Variants in GPSM1 observed in about 807,000 individuals in gnomAD.
GPSM1 encodes the protein G protein signaling modulator 1.
GPSM1 carries 48 observed loss-of-function variants against 70.5 expected under a neutral mutation model. That is an observed-to-expected ratio of 0.68 (90% confidence interval 0.54 to 0.87). The LOEUF is 0.87. GPSM1 is among the 40% of genes least tolerant of loss of function. The pLI is 0.00. For missense variants in GPSM1, 981 were observed against 972.6 expected (o/e 1.01, Z -0.11); for synonymous variants, 416 against 430.1 (o/e 0.97, Z 0.41).
In GPSM1 at chr9:136,340,751, CCAGTT is replaced by C. The variant is rs1179699306; in HGVS notation, c.1084-115_1084-111del. On this transcript the variant is annotated intron_variant, in intron 8 of 13. Transcript: ENST00000440944. The surrounding 1 kb of genome is among the most constrained non-coding windows in gnomAD (Gnocchi z 7.3). ...CCCTCAGAGGCCCAGGGGTCAGTGA[CCAGTT>C]CAGGTCACTCAGAAGGTCAGGGACG... is the stretch of plus-strand genomic sequence containing the variant. The C allele has an allele frequency of 2.0e-5, 27 of 1,370,318 alleles. No homozygotes were observed. The highest frequency in any genetic ancestry group is 2.8e-5 in the Admixed American group (1 of 36,170). The allele number at this position is 1,370,318 out of a possible 1,614,324, so 84.9% of individuals were successfully genotyped here.
rs782180704 is a variant in GPSM1 at position 136,355,768 on chromosome 9, G to A, written c.1534G>A (p.Asp512Asn). 4.7e-5 allele frequency: 76 copies of A among 1,611,726 alleles called. No individual in the cohort carries two copies. The highest frequency in any genetic ancestry group is 5.8e-5 in the Non-Finnish European group (68 of 1,179,056). ...LTKFQSSRMD[D>N]QRCPLDDGQA... ...CAAGTTCCAGAGCAGCCGCATGGAC[G>A]ACCAGCGTTGTCCCCTGGACGATGG... The change falls in exon 12 of 14, where the codon GAC (aspartate) becomes AAC (asparagine). Residue 512 changes from aspartate to asparagine, a missense_variant. Asp to Asn is a conservative substitution (Grantham distance 23). Transcript: ENST00000440944.
At chr9:136,349,172 C>G (rs1832596636) in intron 10 of GPSM1, among the ~76,000 whole-genome samples, 1 of 152,256 alleles carries the variant, frequency 6.6e-6, no homozygotes, top group African/African-American at 2.4e-5. Flanking sequence ...TCGGGGGCTG[C>G]CTGGCGTAGG....
intron 10 of GPSM1, 65 bp downstream of exon 10, chr9:136,348,832 T>C: frequency 7.9e-7 from 1 of 1,269,390 alleles, no homozygotes; most frequent in South Asian, 1.2e-5. Context: ...GCGGGGTTAA[T>C]GAGGCAGAGC....
At chr9:136,338,447 T>C (rs2131399031) in intron 6 of GPSM1, 108 bp from the exon 7 acceptor site, 4 of 1,068,884 alleles carry the variant, frequency 3.7e-6, no homozygotes, top group Non-Finnish European at 5.4e-6. Flanking sequence ...GAGGCCCCAG[T>C]GGGATTCCGG....
At chr9:136,327,794 G>A in intron 1 of GPSM1, 31 bp downstream of exon 1, 6 of 983,354 alleles carry the variant, frequency 6.1e-6, no homozygotes, top group East Asian at 3.9e-5. Context: ...GGCCGGGGCC[G>A]GGGCTGGGAC....
intron 1 of GPSM1, among the ~76,000 whole-genome samples, chr9:136,330,433 G>A (rs1338874866): frequency 2.6e-5 from 4 of 152,152 alleles, no homozygotes; most frequent in African/African-American, 7.2e-5. Context: ...GCTGGGCAGC[G>A]ACGGGCCCTA....
Position 136,342,835 on chromosome 9 carries a change from G to T in GPSM1, c.1207+1842G>T, listed in dbSNP as rs1053707368. Among the ~76,000 whole-genome samples, 12 of 152,152 alleles carry T rather than the reference G, an allele frequency of 7.9e-5. No individual in the cohort carries two copies. Among genetic ancestry groups the T allele is most frequent in the Non-Finnish European group, 1.5e-4 (10 of 68,002 alleles). On this transcript the variant is annotated intron_variant, in intron 9 of 13. Transcript: ENST00000440944. The surrounding 1 kb of genome is among the most constrained non-coding windows in gnomAD (Gnocchi z 5.5). ...GCGCCAGGGCTGGGGGCACAGGAGG[G>T]CGCTGCCCAGCGGGGTGTGGGCAGG...
chr9:136,337,597 C>G lies in GPSM1; in HGVS notation c.702+33C>G, dbSNP rs573454956. 3.2e-6 allele frequency: 5 copies of G among 1,543,340 alleles called. No individual in the cohort carries two copies. The East Asian group carries it at 9.7e-5, about 30-fold the overall frequency. Reference sequence around the variant, plus strand: ...GGGCAGGGTGACAGGGTGGAGGGGCCGGGCTGCTGCAGGGGCAGGGCTGAG... The same window carrying G: ...GGGCAGGGTGACAGGGTGGAGGGGCGGGGCTGCTGCAGGGGCAGGGCTGAG... On this transcript the variant is annotated intron_variant, in intron 5 of 13. Coordinates refer to ENST00000440944, the MANE Select transcript of GPSM1 (RefSeq NM_001145638.3).
chr9:136,358,262 G>A lies in GPSM1; in HGVS notation c.*42G>A. 6.8e-7 allele frequency: 1 copy of A among 1,473,570 alleles called. No individual in the cohort carries two copies. Among genetic ancestry groups the A allele is most frequent in the Non-Finnish European group, 9.1e-7 (1 of 1,093,080 alleles). The allele number at this position is 1,473,570 out of a possible 1,614,324, so 91.3% of individuals were successfully genotyped here. On this transcript the variant is annotated 3_prime_UTR_variant, in exon 14 of 14. Transcript: ENST00000440944. ...CCAGGCCCACCCTGCCCCCACTCCT[G>A]GACGCCGGTCTCACAGTCACAGCCA...
intron 1 of GPSM1, among the ~76,000 whole-genome samples, chr9:136,333,658 C>T (rs922481224): frequency 4.6e-5 from 7 of 152,186 alleles, no homozygotes; most frequent in African/African-American, 9.7e-5. Context: ...GGCGCTCACA[C>T]GGCGGAGTTC....
rs987158761 is a variant in GPSM1, at chr9:136,359,108, C to G, written c.*888C>G. 6 of 152,382 alleles carry G rather than the reference C, an allele frequency of 3.9e-5. No homozygotes were observed. Among genetic ancestry groups the G allele is most frequent in the African/African-American group, 1.4e-4 (6 of 41,432 alleles). The allele number at this position is 152,382 out of a possible 1,614,324, so 9.4% of individuals were successfully genotyped here. A position where few individuals can be genotyped will look rare whatever the true frequency, so the allele number is the denominator to read the frequency against. On this transcript the variant is annotated 3_prime_UTR_variant, in exon 14 of 14. Coordinates refer to ENST00000440944, the MANE Select transcript of GPSM1 (RefSeq NM_001145638.3). ...CCCCCATATGAGAACCCCCCTCCTCCCACCAGCTGGGGGAGATGACATCAC... is the reference window on the plus strand; with the variant it reads ...CCCCCATATGAGAACCCCCCTCCTCGCACCAGCTGGGGGAGATGACATCAC...
chr9:136,355,925 T>C, intron 12 of GPSM1, 79 bp downstream of exon 12: 4 of 1,272,654 alleles, frequency 3.1e-6, no homozygotes, highest in South Asian at 2.8e-5. Context: ...CTGCTTCCAG[T>C]GAGGAGTTTT....
chr9:136,336,406 G>T (rs782440565), intron 3 of GPSM1, among the ~76,000 whole-genome samples: 5 of 152,200 alleles, frequency 3.3e-5, no homozygotes, highest in Admixed American at 1.3e-4. Flanking sequence ...GGGGCCCAGC[G>T]GGAGGCAGGG....
intron 9 of GPSM1, among the ~76,000 whole-genome samples, chr9:136,344,791 G>A (rs28501579): frequency 2.0e-5 from 3 of 152,190 alleles, no homozygotes; most frequent in Admixed American, 6.5e-5. Context: ...TGGAGCTGAC[G>A]GAGCAAGGCG....
At chr9:136,348,213 C>A (rs28684472) in intron 9 of GPSM1, among the ~76,000 whole-genome samples, 5,136 of 152,314 alleles carry the variant, frequency 0.034, 151 homozygotes, top group African/African-American at 0.074. Flanking sequence ...TTTGCGTCCC[C>A]GACCCTGGCC....
chr9:136,345,074 G>T (rs1399921580), intron 9 of GPSM1, among the ~76,000 whole-genome samples: 2 of 152,218 alleles, frequency 1.3e-5, no homozygotes, highest in Non-Finnish European at 2.9e-5. Context: ...CCAGAGGTGG[G>T]CGTGAAGGAA....
intron 13 of GPSM1, 149 bp downstream of exon 13, chr9:136,356,699 A>G (rs576863276): frequency 4.9e-5 from 31 of 633,792 alleles, no homozygotes; most frequent in Non-Finnish European, 7.9e-5. Context: ...AGCCAGTGTC[A>G]CCACATGACC....
Position 136,327,640 on chromosome 9 carries a change from G to T in GPSM1, c.-56G>T. The T allele has an allele frequency of 2.1e-6, 1 of 472,626 alleles. No individual in the cohort carries two copies. The highest frequency in any genetic ancestry group is 2.9e-6 in the Non-Finnish European group (1 of 347,582). 29.3% of individuals were successfully genotyped at this position (472,626 alleles called of 1,614,324 possible). On this transcript the variant is annotated 5_prime_UTR_variant, in exon 1 of 14. Coordinates refer to ENST00000440944, the MANE Select transcript of GPSM1 (RefSeq NM_001145638.3). ...GGGAGGACAGCAGGGCGGGCAGGGG[G>T]CGGACGGCCACGGCGCGGGGGGCGC... is the stretch of plus-strand genomic sequence containing the variant.
chr9:136,359,232 G>A lies in GPSM1; in HGVS notation c.*1012G>A, dbSNP rs1832931735. On this transcript the variant is annotated 3_prime_UTR_variant, in exon 14 of 14. Coordinates refer to ENST00000440944, the MANE Select transcript of GPSM1 (RefSeq NM_001145638.3). ...CTGAGATGGGCCCCAGGGGCCTGAG[G>A]TTGCCTCCTCCTGTCCAGACCCAGC... 6.6e-6 allele frequency: 1 copy of A among 152,338 alleles called. No individual in the cohort carries two copies. The highest frequency in any genetic ancestry group is 1.5e-5 in the Non-Finnish European group (1 of 68,124). The allele number at this position is 152,338 out of a possible 1,614,324, so 9.4% of individuals were successfully genotyped here.
Sources: allele counts gnomAD v4.1 joint callset (sites outside exome capture counted in the v4.1 genomes callset), GRCh38; gene constraint gnomAD v4.1.1; non-coding constraint Gnocchi (gnomAD v3.1); transcripts MANE v1.5; gene names NCBI Gene and HGNC (gene_info 2026-07-23, HGNC 2026-07-21).